PHKA2: variants seen among roughly 807,000 people sequenced by gnomAD.
PHKA2 encodes phosphorylase b kinase regulatory subunit alpha, liver isoform.
In PHKA2, 31 loss-of-function variants were observed where a neutral mutation model predicts 102.0. That is an observed-to-expected ratio of 0.30 (90% CI 0.23 to 0.41). PHKA2 has a LOEUF of 0.41. Among genes scored for constraint, PHKA2 ranks in the 10% least tolerant of loss-of-function variants. The pLI, the probability that PHKA2 is intolerant of heterozygous loss-of-function variation, is 1.00. For synonymous variants in PHKA2, 455 were observed against 416.2 expected, an observed-to-expected ratio of 1.09 and a Z score of -1.13; for missense variants, 858 against 1,023.1, an observed-to-expected ratio of 0.84 and a Z score of 2.20.
intron 26 of PHKA2, among the ~76,000 whole-genome samples, chrX:18,902,599 T>TA (rs1171022701): frequency 4.8e-4 from 50 of 104,432 alleles, no homozygotes; most frequent in Non-Finnish European, 8.8e-4. Flanking sequence ...CTGTCTCTAC[T>TA]AAAAAAACAA....
Position 18,893,247 on chromosome X carries a change from G to T in PHKA2, c.*238C>A. Reference sequence around the variant, plus strand: ...GCTACAGCAAATGTTCCAGAGAAATGAACCTAGAAAATGATCCCGGGGTGC... The same window carrying T: ...GCTACAGCAAATGTTCCAGAGAAATTAACCTAGAAAATGATCCCGGGGTGC... On this transcript the variant is annotated 3_prime_UTR_variant, in exon 33 of 33. Transcript: ENST00000379942. 1 of 432,243 alleles carries T rather than the reference G, an allele frequency of 2.3e-6. No homozygotes were observed. Among genetic ancestry groups the T allele is most frequent in the Non-Finnish European group, 4.1e-6 (1 of 246,258 alleles). 35.6% of individuals were successfully genotyped at this position (432,243 alleles called of 1,213,427 possible). A position where few individuals can be genotyped will look rare whatever the true frequency, so the allele number is the denominator to read the frequency against.
At chrX:18,937,577 G>A (rs762204271) in intron 10 of PHKA2, among the ~76,000 whole-genome samples, 116 of 111,480 alleles carry the variant, frequency 1.0e-3, no homozygotes, top group Non-Finnish European at 2.1e-3. Flanking sequence ...AGGGGGAGGG[G>A]CAATTGGGGA....
intron 1 of PHKA2, among the ~76,000 whole-genome samples, chrX:18,965,383 C>T (rs2048925003): frequency 8.9e-6 from 1 of 111,737 alleles, no homozygotes; most frequent in Non-Finnish European, 1.9e-5. Flanking sequence ...CTGGGTGCTG[C>T]GCTAGTCAAC....
chrX:18,948,733 T>A lies in PHKA2; in HGVS notation c.537+11A>T. On this transcript the variant is annotated intron_variant, in intron 5 of 32. Transcript: ENST00000379942. ...GGAACATCTGAAAAGACTACCAGGG[T>A]TGATACTTACAGCGACTTTATATGC... is the stretch of plus-strand genomic sequence containing the variant. 9.1e-7 allele frequency: 1 copy of A among 1,100,381 alleles called. No individual in the cohort carries two copies. The highest frequency in any genetic ancestry group is 1.3e-6 in the Non-Finnish European group (1 of 796,810). The allele number at this position is 1,100,381 out of a possible 1,213,427, so 90.7% of individuals were successfully genotyped here.
chrX:18,966,586 G>A (rs1569335391), intron 1 of PHKA2, among the ~76,000 whole-genome samples: 1 of 112,104 alleles, frequency 8.9e-6, no homozygotes, highest in African/African-American at 3.2e-5. Context: ...TTATTTAAAC[G>A]CTGTCCAGAA....
At chrX:18,970,113 C>T (rs754850964) in intron 1 of PHKA2, among the ~76,000 whole-genome samples, 16 of 111,385 alleles carry the variant, frequency 1.4e-4, no homozygotes, top group Non-Finnish European at 2.6e-4. Context: ...GAGGCATGTG[C>T]CTGTAGTCCC....
intron 15 of PHKA2, 33 bp from the exon 16 acceptor site, chrX:18,924,558 C>T (rs1304541185): frequency 8.3e-7 from 1 of 1,198,708 alleles, no homozygotes; most frequent in African/African-American, 1.7e-5. Context: ...TAAACGGCCA[C>T]CCTTTCTTTA....
intron 28 of PHKA2, among the ~76,000 whole-genome samples, chrX:18,900,288 T>C (rs1018460381): frequency 1.8e-5 from 2 of 111,078 alleles, no homozygotes; most frequent in African/African-American, 6.6e-5. Context: ...CCTTCCAGGG[T>C]TAAGTCCCCC....
At chrX:18,963,482 TA>T (rs2048897938) in intron 1 of PHKA2, among the ~76,000 whole-genome samples, 1 of 112,107 alleles carries the variant, frequency 8.9e-6, no homozygotes, top group African/African-American at 3.2e-5. Context: ...TAAAGAGACA[TA>T]CCATATTTGA....
rs779456044 is a variant in PHKA2 at position 18,897,239 on chromosome X, C to T, written c.3206G>A (p.Arg1069His). The T allele has an allele frequency of 1.3e-5, 16 of 1,208,894 alleles. No homozygotes were observed. Among genetic ancestry groups the T allele is most frequent in the South Asian group, 5.3e-5 (3 of 56,802 alleles). Residue 1069 changes from arginine (R) to histidine (H), a missense_variant, in exon 30 of 33, where the codon CGC becomes CAC. By Grantham distance (29) the Arg-to-His change is conservative. Transcript: ENST00000379942. ...GATGGCCCCATCCAGCCTTCTCCTG[C>T]GCAGCCACTGGCCCTGCCGCTCACC... ...GWGERQGQWL[R>H]RRRLDGAINR...
intron 26 of PHKA2, among the ~76,000 whole-genome samples, chrX:18,905,411 G>A (rs183210421): frequency 8.0e-4 from 89 of 111,493 alleles, no homozygotes; most frequent in African/African-American, 2.8e-3. Flanking sequence ...TCCTGACCTC[G>A]TCATCCGCCC....
At chrX:18,960,174 T>G (rs1277233783) in intron 1 of PHKA2, among the ~76,000 whole-genome samples, 2 of 111,824 alleles carry the variant, frequency 1.8e-5, no homozygotes, top group South Asian at 7.6e-4. Flanking sequence ...ACAAACAACA[T>G]TAACATCTCA....
intron 1 of PHKA2, among the ~76,000 whole-genome samples, chrX:18,970,260 T>C (rs1465392107): frequency 8.9e-6 from 1 of 112,325 alleles, no homozygotes; most frequent in Non-Finnish European, 1.9e-5. Context: ...ATATTTATCA[T>C]ATACAACATG....
At chrX:18,893,683 A>G (rs897671702) in intron 32 of PHKA2, 28 bp from the exon 33 acceptor site, 2 of 1,182,847 alleles carry the variant, frequency 1.7e-6, no homozygotes, top group Admixed American at 2.2e-5. Flanking sequence ...AGAGGGGACA[A>G]TAAGCGGAGC....
At chrX:18,921,106 G>A (rs941084496) in intron 17 of PHKA2, among the ~76,000 whole-genome samples, 1 of 111,198 alleles carries the variant, frequency 9.0e-6, no homozygotes, top group Non-Finnish European at 1.9e-5. Context: ...GATCCAGTGG[G>A]TATGTAGGGT....
intron 5 of PHKA2, 30 bp downstream of exon 5, chrX:18,948,714 T>C (rs1229528533): frequency 1.0e-5 from 10 of 966,303 alleles, no homozygotes; most frequent in Non-Finnish European, 1.5e-5. Flanking sequence ...GACTGGAACA[T>C]CTGAAAAGAC....
At chrX:18,939,337 G>C (rs2048449501) in intron 9 of PHKA2, among the ~76,000 whole-genome samples, 2 of 110,013 alleles carry the variant, frequency 1.8e-5, no homozygotes, top group South Asian at 7.8e-4. Context: ...CATCACACCT[G>C]CCTCACTAAT....
At chrX:18,939,364 T>C (rs1451984164) in intron 9 of PHKA2, among the ~76,000 whole-genome samples, 13 of 110,805 alleles carry the variant, frequency 1.2e-4, no homozygotes, top group Admixed American at 1.9e-4. Flanking sequence ...TTATTTTTTT[T>C]GTAGAGACAA....
chrX:18,901,848 T>C (rs967601902), intron 26 of PHKA2, among the ~76,000 whole-genome samples: 8 of 108,292 alleles, frequency 7.4e-5, no homozygotes, highest in African/African-American at 2.7e-4. Flanking sequence ...TGAGATATGT[T>C]TTTTTTTTTT....
Sources: allele counts gnomAD v4.1 joint callset (sites outside exome capture counted in the v4.1 genomes callset), GRCh38; gene constraint gnomAD v4.1.1; transcripts MANE v1.5; gene names NCBI Gene and HGNC (gene_info 2026-07-23, HGNC 2026-07-21).